Variants in CENPC observed in about 807,000 individuals in gnomAD.
CENPC encodes the protein CENP-C 1.
CENPC carries 63 observed loss-of-function variants against 112.1 expected under a neutral mutation model. The observed-to-expected ratio is 0.56, with a 90% CI of 0.46 to 0.69. The LOEUF (loss-of-function observed/expected upper bound fraction) is 0.69. Among genes scored for constraint, CENPC ranks in the 30% least tolerant of loss-of-function variants. The pLI, the probability that CENPC is intolerant of heterozygous loss-of-function variation, is 0.00. For missense variants in CENPC, 1,000 were observed against 1,103.8 expected, an observed-to-expected ratio of 0.91 and a Z score of 1.33; for synonymous variants, 333 against 367.6, an observed-to-expected ratio of 0.91 and a Z score of 1.08.
intron 5 of CENPC, among the ~76,000 whole-genome samples, chr4:67,526,377 T>G (rs1342614756): frequency 6.6e-6 from 1 of 151,956 alleles, no homozygotes; most frequent in Non-Finnish European, 1.5e-5. Flanking sequence ...GGTAGTGCTA[T>G]GAACAACTTT....
intron 4 of CENPC, among the ~76,000 whole-genome samples, chr4:67,535,998 G>A (rs1243056964): frequency 6.6e-6 from 1 of 152,044 alleles, no homozygotes; most frequent in Non-Finnish European, 1.5e-5. Flanking sequence ...TAATGCCTTT[G>A]AGCTTTAAAA....
At chr4:67,490,869 T>TAGAA (rs1560422810) in intron 16 of CENPC, among the ~76,000 whole-genome samples, 1 of 29,700 alleles carries the variant, frequency 3.4e-5, no homozygotes, top group Non-Finnish European at 7.2e-5. Flanking sequence ...TATATATATA[T>TAGAA]ATATATATAG....
At chr4:67,477,371 T>C (rs1341787090) in intron 17 of CENPC, among the ~76,000 whole-genome samples, 2 of 152,176 alleles carry the variant, frequency 1.3e-5, no homozygotes, top group African/African-American at 2.4e-5. Context: ...ACAGATCATA[T>C]CACAAGACGC....
intron 17 of CENPC, among the ~76,000 whole-genome samples, chr4:67,483,841 A>C (rs963975028): frequency 2.0e-5 from 3 of 152,242 alleles, no homozygotes; most frequent in Non-Finnish European, 1.5e-5. Flanking sequence ...TTGTACAGCC[A>C]AACAGTATGG....
rs533201346 is a variant in CENPC at position 67,533,743 on chromosome 4, A to C, written c.232-2829T>G. ...TTAGTAGAATTGCAAGACACCACTA[A>C]AAAAAAGGGGCAGGCCAGATGCAGT... is the stretch of plus-strand genomic sequence containing the variant. On this transcript the variant is annotated intron_variant, in intron 4 of 18. Transcript: ENST00000273853. 2.0e-5 allele frequency among the ~76,000 whole-genome samples: 3 copies of C among 152,254 alleles called. No homozygotes were observed. The East Asian group carries it at 5.8e-4, about 29-fold the overall frequency.
intron 5 of CENPC, among the ~76,000 whole-genome samples, chr4:67,527,770 G>T (rs1229242446): frequency 6.6e-6 from 1 of 151,726 alleles, no homozygotes. Flanking sequence ...CAAAGTGCTG[G>T]AACTATAGGC....
At chr4:67,507,519 A>C (rs1237310634) in intron 10 of CENPC, among the ~76,000 whole-genome samples, 1 of 152,168 alleles carries the variant, frequency 6.6e-6, no homozygotes, top group Non-Finnish European at 1.5e-5. Context: ...AATAACCTAG[A>C]TGAAATGGAC....
intron 14 of CENPC, chr4:67,493,265 A>T: frequency 6.1e-6 from 1 of 162,698 alleles, no homozygotes; most frequent in East Asian, 1.6e-4. Flanking sequence ...GAGGCTTTTA[A>T]AAAAAAAAAA....
intron 12 of CENPC, 120 bp downstream of exon 12, chr4:67,505,085 T>C: frequency 1.4e-6 from 1 of 698,728 alleles, no homozygotes; most frequent in South Asian, 1.8e-5. Flanking sequence ...ACTAAGGGTC[T>C]TAAGAGGTAG....
intron 12 of CENPC, among the ~76,000 whole-genome samples, chr4:67,504,798 G>A (rs551701766): frequency 6.6e-6 from 1 of 152,128 alleles, no homozygotes; most frequent in South Asian, 2.1e-4. Context: ...CTCCAGCCTG[G>A]GAGACAGAGC....
Position 67,474,955 on chromosome 4 carries a change from G to A in CENPC, c.2694C>T (p.Asp898=), listed in dbSNP as rs372473401. The change falls in exon 18 of 19, where the codon GAC becomes GAT. Residue 898 remains aspartate, a synonymous_variant. Coordinates refer to ENST00000273853, the MANE Select transcript of CENPC (RefSeq NM_001812.4). ...GTGTTTCATGTAAAGTACACAAAAGGTCACCAAAGTTAACATAAAAAACCT... is the reference window on the plus strand; with the variant it reads ...GTGTTTCATGTAAAGTACACAAAAGATCACCAAAGTTAACATAAAAAACCT... ...DILVFYVNFG[D]LLCTLHETPY... The A allele has an allele frequency of 2.1e-5, 32 of 1,557,878 alleles. No individual in the cohort carries two copies. The African/African-American group carries it at 4.0e-4, about 19-fold the overall frequency.
chr4:67,506,554 C>T (rs1280115551), intron 11 of CENPC, among the ~76,000 whole-genome samples: 8 of 152,096 alleles, frequency 5.3e-5, no homozygotes. Flanking sequence ...GGTGGATTCT[C>T]CAGTTCCAGA....
At chr4:67,526,373 G>T (rs1007294364) in intron 5 of CENPC, among the ~76,000 whole-genome samples, 1 of 151,832 alleles carries the variant, frequency 6.6e-6, no homozygotes, top group African/African-American at 2.4e-5. Context: ...ATAGGGTAGT[G>T]CTATGAACAA....
At chr4:67,473,748 T>C (rs10025283) in intron 18 of CENPC, among the ~76,000 whole-genome samples, 138,141 of 152,056 alleles carry the variant, frequency 0.91, 62,980 homozygotes, top group South Asian at 0.95. Flanking sequence ...CACAGGGTCT[T>C]CCTAGGTTGC....
At chr4:67,475,449 A>G (rs1724777717) in intron 17 of CENPC, among the ~76,000 whole-genome samples, 1 of 152,240 alleles carries the variant, frequency 6.6e-6, no homozygotes. Flanking sequence ...CGAGACTGGA[A>G]GCAGACTGGA....
chr4:67,491,226 T>C (rs1419314824), intron 16 of CENPC, among the ~76,000 whole-genome samples: 1 of 149,912 alleles, frequency 6.7e-6, no homozygotes, highest in Non-Finnish European at 1.5e-5. Context: ...CAGGCTGAAG[T>C]GCAGTGGCAT....
chr4:67,503,984 G>C (rs1725664839), intron 12 of CENPC, among the ~76,000 whole-genome samples: 1 of 151,068 alleles, frequency 6.6e-6, no homozygotes, highest in African/African-American at 2.4e-5. Flanking sequence ...TCAGCTTATG[G>C]GATTGGAGCT....
chr4:67,538,727 C>G (rs1726798990), intron 4 of CENPC, among the ~76,000 whole-genome samples: 1 of 152,152 alleles, frequency 6.6e-6, no homozygotes, highest in South Asian at 2.1e-4. Context: ...AAAGAACCAC[C>G]CGAAGCCTTG....
Position 67,519,489 on chromosome 4 carries a change from T to G in CENPC, c.345A>C (p.Glu115Asp), listed in dbSNP as rs1159953773. The G allele has an allele frequency of 1.9e-6, 3 of 1,578,188 alleles. No homozygotes were observed. The highest frequency in any genetic ancestry group is 1.7e-6 in the Non-Finnish European group (2 of 1,158,494). The change falls in exon 6 of 19, where the codon GAA (glutamate) becomes GAC (aspartate). Residue 115 changes from glutamate to aspartate, a missense_variant. By Grantham distance (45) the Glu-to-Asp change is conservative. Transcript: ENST00000273853. ...EATNRSVQAH[E>D]VHQKILATDV... is the part of the protein sequence containing the mutation. Reference sequence around the variant, plus strand: ...CAGTTGCCAGAATTTTCTGATGAACTTCATGGGCCTGAACTAGAAGAAAAT... The same window carrying G: ...CAGTTGCCAGAATTTTCTGATGAACGTCATGGGCCTGAACTAGAAGAAAAT...
Sources: gnomAD v4.1 joint callset for allele counts (sites outside exome capture counted in the v4.1 genomes callset) on GRCh38, gnomAD v4.1.1 for gene constraint, MANE v1.5 for transcripts, NCBI Gene and HGNC (gene_info 2026-07-23, HGNC 2026-07-21) for gene names.